The following SPATA16 variants were observed in gnomAD, a reference collection of about 807,000 sequenced individuals.
SPATA16 encodes the protein spermatogenesis associated 16.
In SPATA16, 36 loss-of-function variants were observed where a neutral mutation model predicts 63.3. The observed-to-expected ratio is 0.57, with a 90% CI of 0.44 to 0.75. The LOEUF is 0.75. Among genes scored for constraint, SPATA16 ranks in the 30% least tolerant of loss-of-function variants. The pLI, the probability that SPATA16 is intolerant of heterozygous loss-of-function variation, is 0.00. For synonymous variants in SPATA16, 203 were observed against 216.7 expected (o/e 0.94, Z 0.56); for missense variants, 646 against 679.3 (o/e 0.95, Z 0.54).
At chr3:173,012,636 C>A (rs950815816) in intron 4 of SPATA16, among the ~76,000 whole-genome samples, 4 of 152,100 alleles carry the variant, frequency 2.6e-5, no homozygotes, top group Admixed American at 2.0e-4. Flanking sequence ...CCCCTAACAT[C>A]ATCTGATCTT....
At chr3:173,065,742 C>T (rs747629270) in intron 2 of SPATA16, among the ~76,000 whole-genome samples, 1 of 152,188 alleles carries the variant, frequency 6.6e-6, no homozygotes, top group African/African-American at 2.4e-5. Context: ...AAACTCAGTG[C>T]TGCCCTGTCA....
At chr3:172,946,885 A>T (rs1560075414) in intron 6 of SPATA16, among the ~76,000 whole-genome samples, 2 of 152,132 alleles carry the variant, frequency 1.3e-5, no homozygotes, top group African/African-American at 4.8e-5. Context: ...GGGTCTTGGG[A>T]GGGACCCAGT....
At chr3:172,890,777 ATTAT>A (rs1271432205) in intron 10 of SPATA16, among the ~76,000 whole-genome samples, 2 of 151,642 alleles carry the variant, frequency 1.3e-5, no homozygotes, top group African/African-American at 4.8e-5. Flanking sequence ...AACAAGATAA[ATTAT>A]TTATATGAAA....
chr3:173,014,232 T>C (rs545461572), intron 4 of SPATA16, among the ~76,000 whole-genome samples: 28 of 152,320 alleles, frequency 1.8e-4, no homozygotes, highest in African/African-American at 6.3e-4. Context: ...TACATATACA[T>C]CATGGATTAC....
At chr3:172,980,477 A>G (rs1734274706) in intron 4 of SPATA16, among the ~76,000 whole-genome samples, 8 of 152,182 alleles carry the variant, frequency 5.3e-5, no homozygotes, top group Admixed American at 5.2e-4. Context: ...TTGTACCTGC[A>G]ATGGAGCTAT....
At chr3:172,920,988 C>T (rs920676317) in intron 8 of SPATA16, among the ~76,000 whole-genome samples, 5 of 151,720 alleles carry the variant, frequency 3.3e-5, no homozygotes, top group African/African-American at 4.8e-5. Context: ...ATGAATTAAA[C>T]ATCTCTGAAC....
intron 2 of SPATA16, among the ~76,000 whole-genome samples, chr3:173,110,457 C>A (rs1577179572): frequency 1.3e-5 from 2 of 152,278 alleles, no homozygotes; most frequent in African/African-American, 2.4e-5. Flanking sequence ...AGAGTTTGGG[C>A]TATGGATGTT....
intron 6 of SPATA16, among the ~76,000 whole-genome samples, chr3:172,949,333 G>A (rs568945999): frequency 4.6e-5 from 7 of 152,256 alleles, no homozygotes; most frequent in South Asian, 2.1e-4. Flanking sequence ...GCTAATGCTC[G>A]TAAGGTGTAG....
chr3:172,894,344 AG>A (rs1157784181), intron 10 of SPATA16, among the ~76,000 whole-genome samples: 1 of 152,096 alleles, frequency 6.6e-6, no homozygotes, highest in African/African-American at 2.4e-5. Context: ...AGTTTCCTTT[AG>A]CTTTTGGCTA....
chr3:173,045,134 A>T (rs1735928605), intron 3 of SPATA16, among the ~76,000 whole-genome samples: 1 of 152,130 alleles, frequency 6.6e-6, no homozygotes, highest in African/African-American at 2.4e-5. Flanking sequence ...GTAAATTCCC[A>T]TGCAGACTTC....
chr3:173,080,029 T>C (rs1053070974), intron 2 of SPATA16, among the ~76,000 whole-genome samples: 2 of 152,210 alleles, frequency 1.3e-5, no homozygotes, highest in Admixed American at 6.5e-5. Flanking sequence ...TACCACACTA[T>C]ATCCTAAAGT....
At chr3:173,006,486 A>C (rs1356101683) in intron 4 of SPATA16, among the ~76,000 whole-genome samples, 3 of 152,262 alleles carry the variant, frequency 2.0e-5, no homozygotes, top group African/African-American at 7.2e-5. Flanking sequence ...TTGCATGATG[A>C]ATGAATGCAT....
chr3:173,138,360 A>G (rs1054186036), intron 1 of SPATA16, among the ~76,000 whole-genome samples: 1 of 152,190 alleles, frequency 6.6e-6, no homozygotes, highest in African/African-American at 2.4e-5. Flanking sequence ...CTATCTTCCT[A>G]ATAAGTAACG....
At chr3:173,019,210 C>T (rs1442953598) in intron 4 of SPATA16, among the ~76,000 whole-genome samples, 1 of 152,034 alleles carries the variant, frequency 6.6e-6, no homozygotes, top group Admixed American at 6.6e-5. Context: ...AGCAAGAGGT[C>T]AAGCGCATTT....
chr3:172,942,711 C>G (rs1733184710), intron 6 of SPATA16, among the ~76,000 whole-genome samples: 1 of 151,976 alleles, frequency 6.6e-6, no homozygotes, highest in Non-Finnish European at 1.5e-5. Flanking sequence ...TTAAAAAACC[C>G]TGCATTCCAA....
intron 3 of SPATA16, among the ~76,000 whole-genome samples, chr3:173,027,019 A>G (rs1001331928): frequency 5.3e-5 from 8 of 151,920 alleles, no homozygotes; most frequent in African/African-American, 1.9e-4. Flanking sequence ...TGACATCTTA[A>G]TAATATTGAG....
chr3:172,924,761 CTTAA>C (rs1260717564), intron 7 of SPATA16, among the ~76,000 whole-genome samples: 1 of 152,134 alleles, frequency 6.6e-6, no homozygotes, highest in Admixed American at 6.6e-5. Context: ...AACACAAATA[CTTAA>C]TTATGTGGTT....
chr3:173,069,112 G>GAAAAAAAAAAAAAAAAAAAAAAAA (rs541801266), intron 2 of SPATA16, among the ~76,000 whole-genome samples: 1 of 109,178 alleles, frequency 9.2e-6, no homozygotes, highest in African/African-American at 3.7e-5. Flanking sequence ...TCCGTCTCAA[G>GAAAAAAAAAAAAAAAAAAAAAAAA]AAAAAAAAAA....
intron 2 of SPATA16, among the ~76,000 whole-genome samples, chr3:173,064,863 T>C (rs75719416): frequency 0.052 from 7,965 of 152,126 alleles, 257 homozygotes; most frequent in African/African-American, 0.077. Context: ...TGATGAAAAA[T>C]CGGGATTGAT....
Sources: gnomAD v4.1 joint callset for allele counts (sites outside exome capture counted in the v4.1 genomes callset) on GRCh38, gnomAD v4.1.1 for gene constraint, MANE v1.5 for transcripts, NCBI Gene and HGNC (gene_info 2026-07-23, HGNC 2026-07-21) for gene names.